Variants in CYRIB observed in about 807,000 individuals in gnomAD.
CYRIB encodes CYFIP related Rac1 interactor B, also known as CYFIP-related Rac1 interactor B.
CYRIB carries 8 observed loss-of-function variants against 44.2 expected under a neutral mutation model. The observed-to-expected ratio is 0.18, with a 90% CI of 0.11 to 0.33. CYRIB has a LOEUF of 0.33. Among genes scored for constraint, CYRIB ranks in the 10% least tolerant of loss-of-function variants. The probability of loss-of-function intolerance (pLI) is 1.00; values close to 1 mark genes in which losing one functional copy is unlikely to be tolerated. For missense variants in CYRIB, 185 were observed against 382.8 expected, an observed-to-expected ratio of 0.48 and a Z score of 4.31; for synonymous variants, 131 against 127.2, an observed-to-expected ratio of 1.03 and a Z score of -0.20.
intron 1 of CYRIB, among the ~76,000 whole-genome samples, chr8:129,906,996 TTGG>T (rs2075751712): frequency 6.6e-6 from 1 of 152,188 alleles, no homozygotes. Flanking sequence ...TTTTACACTG[TTGG>T]TGGGACTGTA....
At chr8:129,957,954 G>C (rs2094959418) in intron 2 of CYRIB, among the ~76,000 whole-genome samples, 1 of 131,124 alleles carries the variant, frequency 7.6e-6, no homozygotes, top group African/African-American at 3.0e-5. Context: ...GACAGAACGA[G>C]ACTCCATCTC....
At chr8:129,891,717 G>A (rs932660647) in intron 2 of CYRIB, among the ~76,000 whole-genome samples, 5 of 152,184 alleles carry the variant, frequency 3.3e-5, no homozygotes, top group Non-Finnish European at 5.9e-5. Flanking sequence ...ATCATAAAAT[G>A]CGTGCCTTTA....
chr8:130,014,538 G>A (rs1016608570), intron 1 of CYRIB, among the ~76,000 whole-genome samples: 6 of 152,140 alleles, frequency 3.9e-5, no homozygotes, highest in Non-Finnish European at 7.3e-5. Flanking sequence ...ACGGGGGTCG[G>A]GAGTTGGGGG....
At chr8:129,969,638 G>T (rs2095615931) in intron 2 of CYRIB, among the ~76,000 whole-genome samples, 3 of 152,196 alleles carry the variant, frequency 2.0e-5, no homozygotes, top group Non-Finnish European at 4.4e-5. Flanking sequence ...CATCTTTCAT[G>T]AAGTCCAACA....
chr8:129,948,631 AGGGAGAAAAAGGGTGG>A (rs2094321333), intron 2 of CYRIB: 1 of 152,238 alleles, frequency 6.6e-6, no homozygotes, highest in Non-Finnish European at 1.5e-5. Flanking sequence ...GAGGAACGGA[AGGGAGAAAAAGGGTGG>A]GCCGTTCACT....
At chr8:129,865,346 G>A (rs1472557280) in intron 4 of CYRIB, among the ~76,000 whole-genome samples, 1 of 152,214 alleles carries the variant, frequency 6.6e-6, no homozygotes, top group East Asian at 1.9e-4. Flanking sequence ...TTATTGGGGT[G>A]ATGGCAACAC....
intron 2 of CYRIB, among the ~76,000 whole-genome samples, chr8:129,953,510 C>G (rs1302213540): frequency 6.6e-6 from 1 of 152,172 alleles, no homozygotes; most frequent in Non-Finnish European, 1.5e-5. Flanking sequence ...AACCTCTGTG[C>G]TTCTTGTTTA....
intron 2 of CYRIB, among the ~76,000 whole-genome samples, chr8:129,882,982 G>C (rs751557978): frequency 6.6e-6 from 1 of 151,684 alleles, no homozygotes; most frequent in Non-Finnish European, 1.5e-5. Context: ...TAGATCACAA[G>C]GTCAGGAGTT....
upstream of CYRIB, among the ~76,000 whole-genome samples, chr8:129,941,379 T>C (rs889899707): frequency 2.0e-5 from 3 of 150,616 alleles, no homozygotes; most frequent in Admixed American, 6.7e-5. Flanking sequence ...GTTCAAGCGA[T>C]TCTCCTGTCT....
chr8:129,884,251 C>T (rs951140650), intron 2 of CYRIB, among the ~76,000 whole-genome samples: 3 of 152,008 alleles, frequency 2.0e-5, no homozygotes, highest in Non-Finnish European at 2.9e-5. Flanking sequence ...TTCTAAGTTT[C>T]GGATGAATAA....
chr8:129,884,322 C>A (rs2061894209), intron 2 of CYRIB, among the ~76,000 whole-genome samples: 1 of 152,142 alleles, frequency 6.6e-6, no homozygotes, highest in African/African-American at 2.4e-5. Flanking sequence ...GGGTTTCACT[C>A]TTGTTGCCCA....
intron 1 of CYRIB, among the ~76,000 whole-genome samples, chr8:130,014,614 G>C (rs575273889): frequency 7.9e-5 from 12 of 152,242 alleles, no homozygotes; most frequent in African/African-American, 2.9e-4. Flanking sequence ...AAGGAGAAGG[G>C]GTGGCTGTCA....
intron 2 of CYRIB, among the ~76,000 whole-genome samples, chr8:129,898,313 A>G (rs995582918): frequency 6.6e-6 from 1 of 152,190 alleles, no homozygotes; most frequent in Non-Finnish European, 1.5e-5. Flanking sequence ...AAAAATTTCA[A>G]GTGTTCCTAA....
intron 2 of CYRIB, chr8:129,879,673 T>TGAAA: frequency 2.0e-6 from 1 of 506,560 alleles, no homozygotes; most frequent in Non-Finnish European, 3.5e-6. Flanking sequence ...AAATGTGGTT[T>TGAAA]TCCTGTACAC....
rs1192679721 is a variant in CYRIB, at chr8:129,839,676, G to C, written c.*2466C>G. The C allele has an allele frequency of 2.6e-5, 4 of 152,082 alleles. No individual in the cohort carries two copies. In the South Asian group the frequency reaches 8.3e-4, roughly 31 times the overall value. The allele number at this position is 152,082 out of a possible 1,614,324, so 9.4% of individuals were successfully genotyped here. A position where few individuals can be genotyped will look rare whatever the true frequency, so the allele number is the denominator to read the frequency against. ...TCATGCCACAAAATATTATTCTTTTGATTGTATTCAACCTTTTTAAAAACC... is the reference window on the plus strand; with the variant it reads ...TCATGCCACAAAATATTATTCTTTTCATTGTATTCAACCTTTTTAAAAACC... On this transcript the variant is annotated 3_prime_UTR_variant, in exon 12 of 12. Coordinates refer to ENST00000519824, the Ensembl canonical transcript of CYRIB.
chr8:129,930,354 T>C (rs2090497162), intron 1 of CYRIB, among the ~76,000 whole-genome samples: 1 of 136,422 alleles, frequency 7.3e-6, no homozygotes, highest in East Asian at 2.1e-4. Flanking sequence ...CTAGGAAGAA[T>C]TGTGAAGTGC....
chr8:129,869,015 G>A (rs549004493), intron 4 of CYRIB, among the ~76,000 whole-genome samples: 60 of 124,216 alleles, frequency 4.8e-4, no homozygotes, highest in Non-Finnish European at 8.3e-4. Context: ...TTGGCCAACA[G>A]AGCGAAACCC....
chr8:129,895,970 T>C lies in CYRIB; in HGVS notation c.-11+7342A>G, dbSNP rs373611383. On this transcript the variant is annotated intron_variant, in intron 2 of 11. Coordinates refer to ENST00000519824, the Ensembl canonical transcript of CYRIB. ...GACTGACCTGTAATTTTTTTCTCTG[T>C]TCCTGTCTGGTTTTGCTGTCAAGCC... Among the ~76,000 whole-genome samples the C allele has an allele frequency of 2.2e-4, 33 of 152,376 alleles. No homozygotes were observed. The East Asian group carries it at 4.4e-3, about 20-fold the overall frequency.
intron 1 of CYRIB, among the ~76,000 whole-genome samples, chr8:129,917,437 A>C (rs561397170): frequency 6.6e-6 from 1 of 152,326 alleles, no homozygotes; most frequent in Admixed American, 6.5e-5. Flanking sequence ...TAATCCTTCT[A>C]ATGCAGAAAC....
Sources: allele counts gnomAD v4.1 joint callset (sites outside exome capture counted in the v4.1 genomes callset), GRCh38; gene constraint gnomAD v4.1.1; transcripts MANE v1.5; gene names NCBI Gene and HGNC (gene_info 2026-07-23, HGNC 2026-07-21).